RELN: variants seen among roughly 807,000 people sequenced by gnomAD.
RELN encodes the protein reelin.
In RELN, 108 loss-of-function variants were observed where a neutral mutation model predicts 427.6. The observed-to-expected ratio is 0.25, with a 90% CI of 0.22 to 0.30. The LOEUF (loss-of-function observed/expected upper bound fraction) is 0.30, where lower values mean the gene tolerates loss of function less well. Among genes scored for constraint, RELN ranks in the 10% least tolerant of loss-of-function variants. The probability of loss-of-function intolerance (pLI) is 1.00; values close to 1 mark genes in which losing one functional copy is unlikely to be tolerated. For missense variants in RELN, 3,715 were observed against 4,302.8 expected, an observed-to-expected ratio of 0.86 and a Z score of 3.82; for synonymous variants, 1,524 against 1,513.4, an observed-to-expected ratio of 1.01 and a Z score of -0.16.
chr7:103,957,286 T>G (rs1228938327), intron 1 of RELN, among the ~76,000 whole-genome samples: 1 of 152,256 alleles, frequency 6.6e-6, no homozygotes, highest in East Asian at 1.9e-4. Flanking sequence ...ATTCTTTTTA[T>G]ATACAGTTTG....
rs1050844541 is a variant in RELN, at chr7:103,646,477, T to C, written c.2002+3797A>G. On this transcript the variant is annotated intron_variant, in intron 16 of 64. Coordinates refer to ENST00000428762, the MANE Select transcript of RELN (RefSeq NM_005045.4). Reference sequence around the variant, plus strand: ...CCACAAAAATACAGGAGATAATCAGTGATTACTGTAAACATCTTTATGTGC... The same window carrying C: ...CCACAAAAATACAGGAGATAATCAGCGATTACTGTAAACATCTTTATGTGC... Among the ~76,000 whole-genome samples, 13 of 151,838 alleles carry C rather than the reference T, an allele frequency of 8.6e-5. 1 individual carries two copies. Among genetic ancestry groups the C allele is most frequent in the Admixed American group, 7.9e-4 (12 of 15,198 alleles).
chr7:103,494,779 A>G (rs79097959), intron 57 of RELN, among the ~76,000 whole-genome samples: 2,198 of 152,282 alleles, frequency 0.014, 58 homozygotes, highest in African/African-American at 0.051. Context: ...AAAATATTTG[A>G]GAGTCCTCCT....
At chr7:103,672,199 T>C (rs115120688) in intron 11 of RELN, among the ~76,000 whole-genome samples, 44 of 152,276 alleles carry the variant, frequency 2.9e-4, no homozygotes, top group Admixed American at 1.3e-3. Flanking sequence ...ATATGCAAAT[T>C]TGTTTTTTCC....
At chr7:103,961,269 A>C (rs1796548055) in intron 1 of RELN, among the ~76,000 whole-genome samples, 1 of 152,212 alleles carries the variant, frequency 6.6e-6, no homozygotes, top group Non-Finnish European at 1.5e-5. Context: ...TATATACTTT[A>C]AAGAATTCAT....
chr7:103,956,434 AAC>A (rs999491939), intron 1 of RELN, among the ~76,000 whole-genome samples: 88 of 152,350 alleles, frequency 5.8e-4, no homozygotes, highest in East Asian at 1.9e-4. Context: ...AAATTTTAGA[AAC>A]AGACACGAAA....
intron 4 of RELN, among the ~76,000 whole-genome samples, chr7:103,774,886 T>A (rs958470671): frequency 6.6e-6 from 1 of 152,184 alleles, no homozygotes; most frequent in African/African-American, 2.4e-5. Context: ...TTTTTAATAA[T>A]ATCCACATGT....
chr7:103,600,724 T>C (rs548849062), intron 24 of RELN, among the ~76,000 whole-genome samples: 2 of 152,314 alleles, frequency 1.3e-5, no homozygotes, highest in South Asian at 2.1e-4. Context: ...CAGGGATATT[T>C]TGACAAAAAT....
intron 7 of RELN, among the ~76,000 whole-genome samples, chr7:103,727,043 G>T (rs1157947520): frequency 2.0e-5 from 3 of 152,002 alleles, no homozygotes; most frequent in Non-Finnish European, 4.4e-5. Context: ...CATGAAAGGG[G>T]TATTCAAGCA....
chr7:103,807,895 T>A (rs560376412), intron 3 of RELN, among the ~76,000 whole-genome samples: 1 of 152,054 alleles, frequency 6.6e-6, no homozygotes. Flanking sequence ...TGCAGCCCCA[T>A]AACAGGCCCT....
chr7:103,502,957 A>G, intron 52 of RELN, 59 bp downstream of exon 52: 1 of 1,363,178 alleles, frequency 7.3e-7, no homozygotes, highest in Non-Finnish European at 1.0e-6. Context: ...ACAACAGTGT[A>G]CCTAATGGTG....
At chr7:103,562,077 T>C in intron 34 of RELN, 124 bp from the exon 35 acceptor site, 1 of 1,122,004 alleles carries the variant, frequency 8.9e-7, no homozygotes, top group Non-Finnish European at 1.3e-6. Flanking sequence ...CAGTTCTCTC[T>C]TTCTTGACGT....
chr7:103,954,652 G>C (rs2116772862), intron 1 of RELN, among the ~76,000 whole-genome samples: 1 of 152,256 alleles, frequency 6.6e-6, no homozygotes, highest in East Asian at 1.9e-4. Context: ...CCAAGTTCTG[G>C]CATGGAATCT....
chr7:103,901,253 A>T (rs1353510299), intron 2 of RELN, among the ~76,000 whole-genome samples: 1 of 152,092 alleles, frequency 6.6e-6, no homozygotes, highest in African/African-American at 2.4e-5. Context: ...AACACAAAAA[A>T]GCAAATGTTG....
At chr7:103,905,823 A>G (rs1244313706) in intron 2 of RELN, among the ~76,000 whole-genome samples, 1 of 152,166 alleles carries the variant, frequency 6.6e-6, no homozygotes, top group South Asian at 2.1e-4. Context: ...GTCCGAGAAG[A>G]CGGAGAAGCA....
intron 45 of RELN, among the ~76,000 whole-genome samples, chr7:103,538,772 G>A (rs185067518): frequency 9.9e-5 from 15 of 152,122 alleles, no homozygotes; most frequent in Non-Finnish European, 1.8e-4. Flanking sequence ...TTTATTCTGC[G>A]AGTCTAATAC....
chr7:103,540,110 G>T, intron 44 of RELN, 87 bp downstream of exon 44: 1 of 1,477,846 alleles, frequency 6.8e-7, no homozygotes, highest in Non-Finnish European at 9.4e-7. Flanking sequence ...TTCATCTACT[G>T]AGCAAGCAGG....
intron 8 of RELN, among the ~76,000 whole-genome samples, chr7:103,719,561 A>T (rs1407326910): frequency 6.6e-6 from 1 of 151,386 alleles, no homozygotes; most frequent in African/African-American, 2.4e-5. Flanking sequence ...AGCTCAAGCA[A>T]ATACTGAGCA....
intron 1 of RELN, among the ~76,000 whole-genome samples, chr7:103,954,305 C>T (rs1796391123): frequency 6.6e-6 from 1 of 152,056 alleles, no homozygotes; most frequent in South Asian, 2.1e-4. Flanking sequence ...TAATTCATAT[C>T]CTGCTTCTGT....
intron 2 of RELN, among the ~76,000 whole-genome samples, chr7:103,861,799 A>G (rs1174211747): frequency 6.6e-6 from 1 of 152,172 alleles, no homozygotes; most frequent in African/African-American, 2.4e-5. Flanking sequence ...GTAGAAGATG[A>G]GGAAGTGAAA....
Sources: allele counts gnomAD v4.1 joint callset (sites outside exome capture counted in the v4.1 genomes callset), GRCh38; gene constraint gnomAD v4.1.1; transcripts MANE v1.5; gene names NCBI Gene and HGNC (gene_info 2026-07-23, HGNC 2026-07-21).